The following AZIN1 variants were observed in gnomAD, a reference collection of about 807,000 sequenced individuals.
AZIN1 encodes the protein ornithine decarboxylase antizyme inhibitor.
In AZIN1, 12 loss-of-function variants were observed where a neutral mutation model predicts 47.4. That is an observed-to-expected ratio of 0.25 (90% CI 0.16 to 0.41). AZIN1 has a LOEUF of 0.41. Among genes scored for constraint, AZIN1 ranks in the 10% least tolerant of loss-of-function variants. The probability of loss-of-function intolerance (pLI) is 1.00; values close to 1 mark genes in which losing one functional copy is unlikely to be tolerated. For synonymous variants in AZIN1, 155 were observed against 176.3 expected, an observed-to-expected ratio of 0.88 and a Z score of 0.96; for missense variants, 410 against 532.4, an observed-to-expected ratio of 0.77 and a Z score of 2.26.
At chr8:102,841,596 A>T (rs564321497) in intron 3 of AZIN1, among the ~76,000 whole-genome samples, 16 of 152,268 alleles carry the variant, frequency 1.1e-4, no homozygotes, top group Non-Finnish European at 2.2e-4. Context: ...AACAAGTTGA[A>T]TGGCAGAGGA....
intron 1 of AZIN1, among the ~76,000 whole-genome samples, chr8:102,862,401 G>A (rs892486): frequency 0.47 from 71,982 of 151,662 alleles, 17,182 homozygotes; most frequent in Admixed American, 0.52. Context: ...AAACGTATGT[G>A]ATAAAACCTT....
chr8:102,843,780 T>C, intron 2 of AZIN1, 33 bp from the exon 3 acceptor site: 3 of 1,382,448 alleles, frequency 2.2e-6, no homozygotes, highest in Non-Finnish European at 2.8e-6. Flanking sequence ...AAAGTCTGTA[T>C]TATTTCAATA....
Position 102,829,414 on chromosome 8 carries a change from C to T in AZIN1, c.1093G>A (p.Val365Met). Residue 365 changes from valine (V) to methionine (M), a missense_variant, in exon 11 of 12, where the codon GTG (valine) becomes ATG (methionine). Coordinates refer to ENST00000337198, the MANE Select transcript of AZIN1 (RefSeq NM_148174.4). Reference sequence around the variant, plus strand: ...AGCTCAGGAAGAAGACAGCTTTCCACAATTTGATCAAGCTCATCACAGGAT... The same window carrying T: ...AGCTCAGGAAGAAGACAGCTTTCCATAATTTGATCAAGCTCATCACAGGAT... ...GPSCDELDQI[V>M]ESCLLPELNV... 1 of 1,614,058 alleles carries T rather than the reference C, an allele frequency of 6.2e-7. No homozygotes were observed. Among genetic ancestry groups the T allele is most frequent in the Non-Finnish European group, 8.5e-7 (1 of 1,179,954 alleles).
rs1269379100 is a variant in AZIN1, at chr8:102,841,805, T to TAAAA, written c.102+1742_102+1745dup. ...CAGTTAAGTCTAATATATATATATA[T>TAAAA]AAAAAAAAAAAAAAAAAAGACCAGG... On this transcript the variant is annotated intron_variant, in intron 3 of 11. Coordinates refer to ENST00000337198, the MANE Select transcript of AZIN1 (RefSeq NM_148174.4). Among the ~76,000 whole-genome samples, 56 of 114,366 alleles carry TAAAA rather than the reference T, an allele frequency of 4.9e-4. No individual in the cohort carries two copies. The East Asian group carries it at 7.7e-3, about 16-fold the overall frequency. 75.0% of individuals were successfully genotyped at this position (114,366 alleles called of 152,430 possible). A position where few individuals can be genotyped will look rare whatever the true frequency, so the allele number is the denominator to read the frequency against.
chr8:102,830,849 C>CTG (rs919804685), intron 9 of AZIN1, among the ~76,000 whole-genome samples: 22 of 151,702 alleles, frequency 1.5e-4, no homozygotes, highest in South Asian at 2.1e-4. Context: ...CAGTGGGAAT[C>CTG]TGTGTGTGTG....
intron 6 of AZIN1, chr8:102,835,573 G>A (rs771411299): frequency 2.0e-5 from 3 of 152,274 alleles, no homozygotes; most frequent in Non-Finnish European, 4.4e-5. Context: ...GCTTGAGCCA[G>A]GAGTTTGAGG....
Position 102,839,711 on chromosome 8 carries a change from G to C in AZIN1, c.215C>G (p.Ser72Cys). 1.2e-6 allele frequency: 2 copies of C among 1,607,944 alleles called. No homozygotes were observed. Among genetic ancestry groups the C allele is most frequent in the Non-Finnish European group, 8.5e-7 (1 of 1,176,498 alleles). Residue 72 changes from serine to cysteine, a missense_variant, in exon 4 of 12, where the codon TCT becomes TGT. By Grantham distance (112) the Ser-to-Cys change is moderately radical. Around this residue, in one of 3 missense-constraint regions of AZIN1, gnomAD observed 237 missense variants for 309.4 expected, o/e 0.77. Coordinates refer to ENST00000337198, the MANE Select transcript of AZIN1 (RefSeq NM_148174.4). ...IKPFYTVKCN[S>C]APAVLEILAA... is the part of the protein sequence containing the mutation. ...CAAAATCTCAAGTACAGCTGGAGCAGAGTTGCACTTCACTGTGTAGAATGG... is the reference window on the plus strand; with the variant it reads ...CAAAATCTCAAGTACAGCTGGAGCACAGTTGCACTTCACTGTGTAGAATGG...
intron 9 of AZIN1, among the ~76,000 whole-genome samples, chr8:102,832,423 A>T (rs907816742): frequency 2.0e-5 from 3 of 152,322 alleles, no homozygotes; most frequent in South Asian, 4.1e-4. Context: ...GTTAGATTAC[A>T]GGGACTCTTT....
At chr8:102,833,888 CT>C (rs1169068647) in intron 8 of AZIN1, among the ~76,000 whole-genome samples, 10 of 118,674 alleles carry the variant, frequency 8.4e-5, no homozygotes, top group African/African-American at 3.3e-4. Flanking sequence ...CACAGGAAGA[CT>C]TTAAAAAAAA....
rs565905744 is a variant in AZIN1 at position 102,828,665 on chromosome 8, C to T, written c.1249G>A (p.Asp417Asn). 3 of 1,605,170 alleles carry T rather than the reference C, an allele frequency of 1.9e-6. No homozygotes were observed. The highest frequency in any genetic ancestry group is 3.3e-5 in the Admixed American group (2 of 59,742). ...MSFSDWYEMQDAGITSDSMMK... is the reference protein window; with the variant it reads ...MSFSDWYEMQNAGITSDSMMK... ...ATTGAGTCTGAAGTAATTCCAGCAT[C>T]TTGCATCTCATACCTACGTAGAAAA... The change falls in exon 12 of 12, where the codon GAT becomes AAT. Residue 417 changes from aspartate (D) to asparagine (N), a missense_variant. By Grantham distance (23) the Asp-to-Asn change is conservative. Coordinates refer to ENST00000337198, the MANE Select transcript of AZIN1 (RefSeq NM_148174.4).
rs1811824945 is a variant in AZIN1 at position 102,836,387 on chromosome 8, G to A, written c.453C>T (p.Val151=). Residue 151 remains valine, a synonymous_variant, in exon 6 of 12, where the codon GTC becomes GTT. Transcript: ENST00000337198. ...TATCTTCTGTTGCAATATGTAGTAA[G>A]ACCCTAAGAGAAGGGGAGATGATTG... ...KIARNHPNAK[V]LLHIATEDNI... 6.2e-7 allele frequency: 1 copy of A among 1,613,616 alleles called. No homozygotes were observed. The highest frequency in any genetic ancestry group is 8.5e-7 in the Non-Finnish European group (1 of 1,179,834).
At position 102,836,307 on chromosome 8, in the gene AZIN1, C is replaced by T; in HGVS notation, c.533G>A (p.Arg178Lys). ...TTCCTTAGCACATTCCAAGAGATGC[C>T]TACAGTTCTTCAGGGTAGTGCCAAA... ...MKFGTTLKNC[R>K]HLLECAKELD... The change falls in exon 6 of 12, where the codon AGG becomes AAG. Residue 178 changes from arginine (R) to lysine (K), a missense_variant. This residue lies in a region of AZIN1 where 237 missense variants were observed against 309.4 expected (regional missense o/e 0.77). Transcript: ENST00000337198. 1 of 1,613,764 alleles carries T rather than the reference C, an allele frequency of 6.2e-7. No homozygotes were observed. The highest frequency in any genetic ancestry group is 8.5e-7 in the Non-Finnish European group (1 of 1,179,678).
chr8:102,847,642 G>A (rs576631498), intron 2 of AZIN1, among the ~76,000 whole-genome samples: 4 of 150,972 alleles, frequency 2.6e-5, no homozygotes, highest in South Asian at 2.1e-4. Flanking sequence ...ACAGCCCACC[G>A]AAGCCTCAAC....
At chr8:102,834,361 G>C in intron 7 of AZIN1, 98 bp from the exon 8 acceptor site, 1 of 940,432 alleles carries the variant, frequency 1.1e-6, no homozygotes, top group Non-Finnish European at 1.6e-6. Context: ...TATCTGTTCT[G>C]ATCTTTAGTA....
intron 2 of AZIN1, 79 bp from the exon 3 acceptor site, chr8:102,843,826 G>T: frequency 1.0e-6 from 1 of 979,978 alleles, no homozygotes; most frequent in Non-Finnish European, 1.4e-6. Flanking sequence ...TGTGCTAAGT[G>T]CCTAATTTAG....
Position 102,851,070 on chromosome 8 carries a change from T to C in AZIN1, c.-96+6943A>G, listed in dbSNP as rs563102708. Among the ~76,000 whole-genome samples, 19 of 152,338 alleles carry C rather than the reference T, an allele frequency of 1.2e-4. No individual in the cohort carries two copies. The East Asian group carries it at 3.5e-3, about 28-fold the overall frequency. On this transcript the variant is annotated intron_variant, in intron 2 of 11. Coordinates refer to ENST00000337198, the MANE Select transcript of AZIN1 (RefSeq NM_148174.4). ...TTAAAAATGTCTTGACTATTCAATG[T>C]GAAGACTAAATTTTTTTTCTGGAGA...
At chr8:102,849,077 C>T (rs1812763249) in intron 2 of AZIN1, among the ~76,000 whole-genome samples, 1 of 152,094 alleles carries the variant, frequency 6.6e-6, no homozygotes, top group Admixed American at 6.6e-5. Context: ...GCAGGCAGAT[C>T]ACGAGGTTGA....
At chr8:102,848,217 C>T (rs1321748147) in intron 2 of AZIN1, among the ~76,000 whole-genome samples, 1 of 149,324 alleles carries the variant, frequency 6.7e-6, no homozygotes, top group Non-Finnish European at 1.5e-5. Flanking sequence ...CAAACAACCA[C>T]AATGTCACCT....
intron 2 of AZIN1, among the ~76,000 whole-genome samples, chr8:102,854,785 G>GT (rs894879480): frequency 5.4e-5 from 8 of 147,684 alleles, no homozygotes; most frequent in African/African-American, 2.1e-4. Flanking sequence ...TGACAACCAG[G>GT]TAAAAAAAAA....
Sources: allele counts gnomAD v4.1 joint callset (sites outside exome capture counted in the v4.1 genomes callset), GRCh38; gene constraint gnomAD v4.1.1; regional missense constraint gnomAD v4.1.1; transcripts MANE v1.5; gene names NCBI Gene and HGNC (gene_info 2026-07-23, HGNC 2026-07-21).